TMEM30A: variants seen among roughly 807,000 people sequenced by gnomAD.
TMEM30A encodes the protein cell division cycle 50 P4-ATPase accessory subunit A.
Under a neutral mutation model 38.2 loss-of-function variants are expected in TMEM30A, and 24 were observed. The ratio of observed to expected loss-of-function variants is 0.63; its 90% CI spans 0.46 to 0.88. The LOEUF (loss-of-function observed/expected upper bound fraction) is 0.88, where lower values mean the gene tolerates loss of function less well. Ranked by LOEUF, TMEM30A falls within the 40% of genes least tolerant of loss-of-function variation. The pLI is 0.00. For synonymous variants in TMEM30A, 145 were observed against 161.6 expected (o/e 0.90, Z 0.78); for missense variants, 370 against 458.6 (o/e 0.81, Z 1.77).
intron 3 of TMEM30A, 95 bp from the exon 4 acceptor site, chr6:75,261,006 C>T: frequency 2.7e-6 from 2 of 751,890 alleles, no homozygotes; most frequent in South Asian, 4.2e-5. Flanking sequence ...AATTCAACAC[C>T]TATATTTTTC....
chr6:75,255,265 A>G lies in TMEM30A; in HGVS notation c.*837T>C, dbSNP rs1771849325. On this transcript the variant is annotated 3_prime_UTR_variant, in exon 7 of 7. Transcript: ENST00000230461. ...AAAACAGTCTCCATTAAGCACTTACATGTGGTTTACAGTTGAGGCAGAAGA... is the reference window on the plus strand; with the variant it reads ...AAAACAGTCTCCATTAAGCACTTACGTGTGGTTTACAGTTGAGGCAGAAGA... 1 of 152,564 alleles carries G rather than the reference A, an allele frequency of 6.6e-6. No homozygotes were observed. The allele number at this position is 152,564 out of a possible 1,614,324, so 9.5% of individuals were successfully genotyped here.
Position 75,284,749 on chromosome 6 carries a change from A to G in TMEM30A, c.-111T>C. On this transcript the variant is annotated 5_prime_UTR_variant, in exon 1 of 7. Coordinates refer to ENST00000230461, the MANE Select transcript of TMEM30A (RefSeq NM_018247.4). ...CGCTGCCGCCGCCGCCGCCGCAGCC[A>G]CCAGCGCCACCGCCACAGCCACCTC... 1.0e-6 allele frequency: 1 copy of G among 982,372 alleles called. No individual in the cohort carries two copies. Among genetic ancestry groups the G allele is most frequent in the South Asian group, 1.3e-5 (1 of 76,376 alleles). The allele number at this position is 982,372 out of a possible 1,614,324, so 60.9% of individuals were successfully genotyped here. A position where few individuals can be genotyped will look rare whatever the true frequency, so the allele number is the denominator to read the frequency against.
At chr6:75,256,317 T>G (rs776284338) in intron 6 of TMEM30A, 22 bp from the exon 7 acceptor site, 15 of 1,569,792 alleles carry the variant, frequency 9.6e-6, no homozygotes, top group Non-Finnish European at 1.3e-5. Context: ...ATAGGAAGAT[T>G]TTTCCATCTC....
Position 75,253,767 on chromosome 6 carries a change from C to T in TMEM30A, c.*2335G>A, listed in dbSNP as rs977442927. The T allele has an allele frequency of 3.9e-5, 6 of 152,554 alleles. No individual in the cohort carries two copies. Among genetic ancestry groups the T allele is most frequent in the East Asian group, 1.9e-4 (1 of 5,202 alleles). The allele number at this position is 152,554 out of a possible 1,614,324, so 9.5% of individuals were successfully genotyped here. Reference sequence around the variant, plus strand: ...TGATTTTCTATTAATTAGTAGTACACAGCTATTTTTATCAATTTATGCTTA... The same window carrying T: ...TGATTTTCTATTAATTAGTAGTACATAGCTATTTTTATCAATTTATGCTTA... On this transcript the variant is annotated 3_prime_UTR_variant, in exon 7 of 7. Transcript: ENST00000230461.
Position 75,259,347 on chromosome 6 carries a change from C to A in TMEM30A, c.685G>T (p.Gly229Cys). 1 of 1,608,352 alleles carries A rather than the reference C, an allele frequency of 6.2e-7. No homozygotes were observed. The highest frequency in any genetic ancestry group is 8.5e-7 in the Non-Finnish European group (1 of 1,178,240). ...GGDNLEERFK[G>C]TTKPVNWLKP... ...TTAAGGGATATTAGTAATGTTTTAC[C>A]TTTAAATCGTTCTTCCAGGTTGTCT... is the stretch of plus-strand genomic sequence containing the variant. The change falls in exon 5 of 7, where the codon GGT becomes TGT. Residue 229 changes from glycine (G) to cysteine (C), a missense_variant and splice_region_variant. Coordinates refer to ENST00000230461, the MANE Select transcript of TMEM30A (RefSeq NM_018247.4).
At chr6:75,268,935 G>A (rs1248937532) in intron 1 of TMEM30A, among the ~76,000 whole-genome samples, 1 of 152,178 alleles carries the variant, frequency 6.6e-6, no homozygotes, top group Non-Finnish European at 1.5e-5. Context: ...ACTGGTTGAT[G>A]TCAGAAGATC....
At position 75,284,778 on chromosome 6, in the gene TMEM30A, T is replaced by C. The variant is rs1772440640; in HGVS notation, c.-140A>G. ...GCGCCACCGCCACAGCCACCTCCGC[T>C]GTAGAGCGGAAGAGGCGGGACACTC... is the stretch of plus-strand genomic sequence containing the variant. On this transcript the variant is annotated 5_prime_UTR_variant, in exon 1 of 7. Transcript: ENST00000230461. The C allele has an allele frequency of 1.4e-5, 11 of 790,596 alleles. No individual in the cohort carries two copies. The highest frequency in any genetic ancestry group is 5.9e-5 in the South Asian group (4 of 68,298). 49.0% of individuals were successfully genotyped at this position (790,596 alleles called of 1,614,324 possible).
chr6:75,256,207 A>C lies in TMEM30A; in HGVS notation c.981T>G (p.Ile327Met). Residue 327 changes from isoleucine (I) to methionine (M), a missense_variant, in exon 7 of 7, where the codon ATT becomes ATG. Transcript: ENST00000230461. ...AGATGGATCCAACAGCGATGTAAGC[A>C]ATCCCCAAAAATGGATTTTTTCCTC... is the stretch of plus-strand genomic sequence containing the variant. ...WMGGKNPFLGIAYIAVGSISF... is the reference protein window; with the variant it reads ...WMGGKNPFLGMAYIAVGSISF... The C allele has an allele frequency of 6.2e-7, 1 of 1,613,676 alleles. No homozygotes were observed. Among genetic ancestry groups the C allele is most frequent in the Non-Finnish European group, 8.5e-7 (1 of 1,179,648 alleles).
chr6:75,267,495 A>T (rs1772088848), intron 2 of TMEM30A, 146 bp downstream of exon 2: 2 of 501,766 alleles, frequency 4.0e-6, no homozygotes, highest in Non-Finnish European at 6.8e-6. Flanking sequence ...CCAAACACAC[A>T]AAACGATCTT....
chr6:75,267,568 T>C, intron 2 of TMEM30A, 73 bp downstream of exon 2: 1 of 1,025,592 alleles, frequency 9.8e-7, no homozygotes, highest in East Asian at 2.6e-5. Flanking sequence ...AAATACCTTG[T>C]AAAAGACATT....
At chr6:75,282,384 C>A (rs1772373677) in intron 1 of TMEM30A, among the ~76,000 whole-genome samples, 1 of 152,054 alleles carries the variant, frequency 6.6e-6, no homozygotes, top group African/African-American at 2.4e-5. Context: ...TTATTTTACT[C>A]CAAAACCCAA....
chr6:75,263,975 C>A (rs926867566), intron 3 of TMEM30A, among the ~76,000 whole-genome samples: 103 of 152,290 alleles, frequency 6.8e-4, no homozygotes, highest in African/African-American at 2.3e-3. Flanking sequence ...CCCTAAAAAA[C>A]ACATTCAGAA....
At chr6:75,264,355 G>A (rs1772025798) in intron 3 of TMEM30A, among the ~76,000 whole-genome samples, 2 of 152,176 alleles carry the variant, frequency 1.3e-5, no homozygotes, top group African/African-American at 2.4e-5. Context: ...AATACTTAGG[G>A]CCGGACACGG....
intron 1 of TMEM30A, among the ~76,000 whole-genome samples, chr6:75,278,483 T>C (rs1306020767): frequency 6.6e-6 from 1 of 152,220 alleles, no homozygotes; most frequent in Non-Finnish European, 1.5e-5. Context: ...TTTATCTCTT[T>C]GTTCATCCCT....
Position 75,284,747 on chromosome 6 carries a change from CCACCAG to C in TMEM30A, c.-115_-110del. 1.0e-6 allele frequency: 1 copy of C among 976,694 alleles called. No individual in the cohort carries two copies. Among genetic ancestry groups the C allele is most frequent in the South Asian group, 1.3e-5 (1 of 76,248 alleles). The allele number at this position is 976,694 out of a possible 1,614,324, so 60.5% of individuals were successfully genotyped here. ...GCCGCTGCCGCCGCCGCCGCCGCAG[CCACCAG>C]CGCCACCGCCACAGCCACCTCCGCT... is the stretch of plus-strand genomic sequence containing the variant. On this transcript the variant is annotated 5_prime_UTR_variant, in exon 1 of 7. Coordinates refer to ENST00000230461, the MANE Select transcript of TMEM30A (RefSeq NM_018247.4).
In TMEM30A at chr6:75,284,521, C is replaced by A; in HGVS notation, c.118G>T (p.Ala40Ser). 6.2e-7 allele frequency: 1 copy of A among 1,611,438 alleles called. No individual in the cohort carries two copies. The highest frequency in any genetic ancestry group is 1.1e-5 in the South Asian group (1 of 90,882). The change falls in exon 1 of 7, where the codon GCT becomes TCT. Residue 40 changes from alanine (A) to serine (S), a missense_variant. Physicochemically the swap from Ala to Ser is moderately conservative, Grantham distance 99. Transcript: ENST00000230461. ...CCAGCCGTAAGGATGGGCTGCCAAG[C>A]TGGCAGCCGTTGCTGTTTGAAGGCC... Reference protein sequence around the residue: ...NTAFKQQRLPAWQPILTAGTV... With the variant: ...NTAFKQQRLPSWQPILTAGTV...
chr6:75,284,675 A>G lies in TMEM30A; in HGVS notation c.-37T>C. The G allele has an allele frequency of 6.2e-7, 1 of 1,603,066 alleles. No individual in the cohort carries two copies. The highest frequency in any genetic ancestry group is 1.1e-5 in the South Asian group (1 of 90,938). On this transcript the variant is annotated 5_prime_UTR_variant, in exon 1 of 7. Transcript: ENST00000230461. ...GCGCCGCTCCGCGATTTGCAGGTGG[A>G]CCACCCAGGGGGCCCGCCGGCTGAC...
At chr6:75,283,107 A>T (rs1032743856) in intron 1 of TMEM30A, among the ~76,000 whole-genome samples, 1 of 152,196 alleles carries the variant, frequency 6.6e-6, no homozygotes, top group African/African-American at 2.4e-5. Flanking sequence ...TTAGTAAAAA[A>T]CTTTAAAACT....
intron 1 of TMEM30A, among the ~76,000 whole-genome samples, chr6:75,279,505 T>C (rs912619580): frequency 6.6e-6 from 1 of 152,126 alleles, no homozygotes; most frequent in Non-Finnish European, 1.5e-5. Context: ...TTCTCTCATT[T>C]TGAAAAATTA....
Sources: allele counts gnomAD v4.1 joint callset (sites outside exome capture counted in the v4.1 genomes callset), GRCh38; gene constraint gnomAD v4.1.1; transcripts MANE v1.5; gene names NCBI Gene and HGNC (gene_info 2026-07-23, HGNC 2026-07-21).